Variants in SAMSN1 observed in about 807,000 individuals in gnomAD.
SAMSN1 encodes the protein SAM domain, SH3 domain and nuclear localization signals 1, also known as SAM domain-containing protein SAMSN-1.
In SAMSN1, 31 loss-of-function variants were observed where a neutral mutation model predicts 42.0. That is an observed-to-expected ratio of 0.74 (90% CI 0.55 to 1.00). The LOEUF (loss-of-function observed/expected upper bound fraction) is 1.00. Ranked by LOEUF, SAMSN1 falls within the 50% of genes least tolerant of loss-of-function variation. The pLI is 0.00. For missense variants in SAMSN1, 464 were observed against 439.4 expected (o/e 1.06, Z -0.50); for synonymous variants, 178 against 151.9 (o/e 1.17, Z -1.26).
chr21:14,647,166 G>T (rs1421456470), intron 1 of SAMSN1, among the ~76,000 whole-genome samples: 1 of 152,172 alleles, frequency 6.6e-6, no homozygotes, highest in African/African-American at 2.4e-5. Context: ...TCTGTTGCCT[G>T]CAAGAAACAC....
chr21:14,624,997 C>A (rs1304709011), intron 2 of SAMSN1, among the ~76,000 whole-genome samples: 2 of 152,046 alleles, frequency 1.3e-5, no homozygotes, highest in African/African-American at 2.4e-5. Flanking sequence ...AAACATAATC[C>A]AGCATATAAA....
chr21:14,624,338 G>A (rs906904701), intron 2 of SAMSN1, among the ~76,000 whole-genome samples: 2 of 152,172 alleles, frequency 1.3e-5, no homozygotes, highest in Non-Finnish European at 2.9e-5. Flanking sequence ...GAATGCAGGA[G>A]CTGTTTTTTT....
chr21:14,641,856 A>AT (rs1983606056), intron 2 of SAMSN1, among the ~76,000 whole-genome samples: 1 of 152,112 alleles, frequency 6.6e-6, no homozygotes, highest in Non-Finnish European at 1.5e-5. Flanking sequence ...GTAGTCCAAA[A>AT]TTTTCATATA....
intron 1 of SAMSN1, among the ~76,000 whole-genome samples, chr21:14,539,775 C>T (rs1979881257): frequency 6.6e-6 from 1 of 152,132 alleles, no homozygotes; most frequent in Non-Finnish European, 1.5e-5. Context: ...ACTTACTCCA[C>T]AGAATCGGAA....
intron 1 of SAMSN1, among the ~76,000 whole-genome samples, chr21:14,530,607 A>C (rs1568791008): frequency 6.6e-6 from 1 of 152,224 alleles, no homozygotes; most frequent in Non-Finnish European, 1.5e-5. Flanking sequence ...CTATCTCTTG[A>C]AACTAAAACT....
Position 14,510,315 on chromosome 21 carries a change from T to G in SAMSN1, c.556A>C (p.Ile186Leu). Residue 186 changes from isoleucine (I) to leucine (L), a missense_variant, in exon 5 of 8, where the codon ATC (isoleucine) becomes CTC (leucine). Transcript: ENST00000400566. Reference protein sequence around the residue: ...PSPYDTDSLKIKKGDIIDIIC... With the variant: ...PSPYDTDSLKLKKGDIIDIIC... ...GGGATATGATGTCCTCTCACCTTGA[T>G]TTTGAGGGAGTCAGTGTCATAGGGA... 1 of 1,614,010 alleles carries G rather than the reference T, an allele frequency of 6.2e-7. No individual in the cohort carries two copies. The highest frequency in any genetic ancestry group is 1.3e-5 in the African/African-American group (1 of 75,014).
chr21:14,567,520 T>C (rs983221070), intron 2 of SAMSN1, among the ~76,000 whole-genome samples: 2 of 152,174 alleles, frequency 1.3e-5, no homozygotes, highest in Admixed American at 6.6e-5. Context: ...TATTCTCTAA[T>C]GGGATTTTTA....
At chr21:14,547,684 ACC>A (rs1247069294), upstream of SAMSN1, among the ~76,000 whole-genome samples, 39 of 152,080 alleles carry the variant, frequency 2.6e-4, no homozygotes. Context: ...TCTAAGCTCC[ACC>A]CCAAGGCCCA....
rs554936089 is a variant in SAMSN1, at chr21:14,612,662, G to A, written c.235+214C>T. ...AGGATTATTCTGTTTAAATATAAAC[G>A]GAAAATATTGCAAATAAATCAATGA... On this transcript the variant is annotated intron_variant, in intron 4 of 15. Transcript: ENST00000647101. 103 of 618,894 alleles carry A rather than the reference G, an allele frequency of 1.7e-4. 2 individuals are homozygous for A. Among genetic ancestry groups the A allele is most frequent in the South Asian group, 1.4e-3 (93 of 65,188 alleles). 38.3% of individuals were successfully genotyped at this position (618,894 alleles called of 1,614,324 possible).
intron 5 of SAMSN1, among the ~76,000 whole-genome samples, chr21:14,509,999 C>A (rs1423767251): frequency 3.3e-5 from 5 of 151,884 alleles, no homozygotes; most frequent in Non-Finnish European, 7.4e-5. Flanking sequence ...ATTAGCCGGG[C>A]GTGGTGGCGG....
At chr21:14,618,794 C>T (rs1982924287) in intron 2 of SAMSN1, among the ~76,000 whole-genome samples, 1 of 151,870 alleles carries the variant, frequency 6.6e-6, no homozygotes, top group Non-Finnish European at 1.5e-5. Context: ...ATGTCTAGTC[C>T]TTTAATTTGA....
rs1981686658 is a variant in SAMSN1, at chr21:14,580,896, C to T, written c.261+1240G>A. 5.9e-5 allele frequency among the ~76,000 whole-genome samples: 9 copies of T among 151,944 alleles called. 1 individual carries two copies. In the South Asian group the frequency reaches 1.9e-3, roughly 32 times the overall value. On this transcript the variant is annotated intron_variant, in intron 2 of 8. Transcript: ENST00000285670. ...TTCATTCACTGAAAACACACATGAC[C>T]AGAGGAGCTGTAGGTAAAGTTATAA... is the stretch of plus-strand genomic sequence containing the variant.
intron 1 of SAMSN1, among the ~76,000 whole-genome samples, chr21:14,544,959 C>G (rs930694673): frequency 6.6e-6 from 1 of 151,976 alleles, no homozygotes; most frequent in African/African-American, 2.4e-5. Context: ...TAAAATTAAT[C>G]TTAAATGGAA....
chr21:14,620,364 T>C (rs1189619417), intron 2 of SAMSN1, among the ~76,000 whole-genome samples: 1 of 152,160 alleles, frequency 6.6e-6, no homozygotes, highest in African/African-American at 2.4e-5. Context: ...TGGTTAACAG[T>C]TCCTCCTACT....
chr21:14,584,132 G>T (rs1412122697), upstream of SAMSN1, among the ~76,000 whole-genome samples: 1 of 152,012 alleles, frequency 6.6e-6, no homozygotes, highest in African/African-American at 2.4e-5. Context: ...GGAACAAGAG[G>T]TTCAAAGTTG....
chr21:14,564,249 T>C (rs573030234), intron 2 of SAMSN1, among the ~76,000 whole-genome samples: 1 of 152,178 alleles, frequency 6.6e-6, no homozygotes, highest in Non-Finnish European at 1.5e-5. Flanking sequence ...ATGGATTATA[T>C]GTTTTAAAGC....
intron 2 of SAMSN1, among the ~76,000 whole-genome samples, chr21:14,627,124 T>C (rs898150216): frequency 1.3e-5 from 2 of 151,978 alleles, no homozygotes; most frequent in South Asian, 4.2e-4. Context: ...CTGGGGCCTG[T>C]CATGGGGTGG....
At chr21:14,530,316 CAAAA>C (rs71183428) in intron 1 of SAMSN1, among the ~76,000 whole-genome samples, 2 of 75,762 alleles carry the variant, frequency 2.6e-5, no homozygotes, top group African/African-American at 5.8e-5. Flanking sequence ...GACTCCGTCT[CAAAA>C]AAAAAAAAAA....
intron 7 of SAMSN1, among the ~76,000 whole-genome samples, chr21:14,487,356 T>C (rs1986482601): frequency 8.2e-6 from 1 of 121,244 alleles, no homozygotes; most frequent in South Asian, 2.5e-4. Context: ...TTTATATATA[T>C]ATATCTATCT....
Sources: gnomAD v4.1 joint callset for allele counts (sites outside exome capture counted in the v4.1 genomes callset) on GRCh38, gnomAD v4.1.1 for gene constraint, MANE v1.5 for transcripts, NCBI Gene and HGNC (gene_info 2026-07-23, HGNC 2026-07-21) for gene names.